SSBP2: variants seen among roughly 807,000 people sequenced by gnomAD.
SSBP2 encodes the protein single-stranded DNA-binding protein 2.
Under a neutral mutation model 61.8 loss-of-function variants are expected in SSBP2, and 17 were observed. The observed-to-expected ratio is 0.28, with a 90% CI of 0.19 to 0.41. SSBP2 has a LOEUF of 0.41. Among genes scored for constraint, SSBP2 ranks in the 10% least tolerant of loss-of-function variants. SSBP2 has a pLI of 1.00. For missense variants in SSBP2, 310 were observed against 458.7 expected (o/e 0.68, Z 2.96); for synonymous variants, 139 against 141.3 (o/e 0.98, Z 0.12).
chr5:81,668,292 GT>G (rs1354039241), intron 1 of SSBP2, among the ~76,000 whole-genome samples: 1 of 121,292 alleles, frequency 8.2e-6, no homozygotes, highest in Non-Finnish European at 1.8e-5. Context: ...AGGAAAAAAA[GT>G]TTTTTCAAAT....
At chr5:81,619,680 T>TG (rs1746369040) in intron 3 of SSBP2, among the ~76,000 whole-genome samples, 1 of 71,700 alleles carries the variant, frequency 1.4e-5, no homozygotes, top group Non-Finnish European at 2.5e-5. Flanking sequence ...ATATCCTTGA[T>TG]GAACATTGAT....
At chr5:81,595,149 T>C (rs748113896) in intron 4 of SSBP2, among the ~76,000 whole-genome samples, 4 of 152,060 alleles carry the variant, frequency 2.6e-5, no homozygotes, top group African/African-American at 4.8e-5. Flanking sequence ...TAAAAAATGA[T>C]AAAGGGGATA....
At position 81,560,626 on chromosome 5, in the gene SSBP2, AC is replaced by A. The variant is rs1772973315; in HGVS notation, c.283-46910del. Among the ~76,000 whole-genome samples, 5 of 152,332 alleles carry A rather than the reference AC, an allele frequency of 3.3e-5. No homozygotes were observed. In the Middle Eastern group the frequency reaches 0.014, roughly 415 times the overall value. ...CCATCCAGAGAGAAGCAGCTCTGGA[AC>A]GCCTAAGAATATTCTTAGATTTTGT... On this transcript the variant is annotated intron_variant, in intron 4 of 16. Transcript: ENST00000320672.
intron 4 of SSBP2, among the ~76,000 whole-genome samples, chr5:81,521,512 C>T (rs889682740): frequency 8.4e-6 from 1 of 119,458 alleles, no homozygotes; most frequent in Non-Finnish European, 1.7e-5. Context: ...TCTTTGATGA[C>T]ACTCATCAAA....
At chr5:81,705,493 T>C (rs1357648625) in intron 1 of SSBP2, among the ~76,000 whole-genome samples, 1 of 152,168 alleles carries the variant, frequency 6.6e-6, no homozygotes, top group Non-Finnish European at 1.5e-5. Context: ...GAAAAAATAA[T>C]TAACTGATCC....
At position 81,617,959 on chromosome 5, in the gene SSBP2, A is replaced by AC. The variant is rs1746219093; in HGVS notation, c.198-2403dup. Among the ~76,000 whole-genome samples the AC allele has an allele frequency of 1.5e-5, 2 of 137,282 alleles. 1 individual carries two copies. Among genetic ancestry groups the AC allele is most frequent in the African/African-American group, 5.4e-5 (2 of 36,712 alleles). 90.1% of individuals were successfully genotyped at this position (137,282 alleles called of 152,430 possible). ...AAAGAGCTCCTGAAGCAAGCGCTAA[A>AC]CATGGAAAGGAACAACCGGTACCAG... is the stretch of plus-strand genomic sequence containing the variant. On this transcript the variant is annotated intron_variant, in intron 3 of 16. Coordinates refer to ENST00000320672, the MANE Select transcript of SSBP2 (RefSeq NM_012446.5).
intron 1 of SSBP2, among the ~76,000 whole-genome samples, chr5:81,742,315 C>A (rs1211303995): frequency 1.3e-5 from 2 of 151,994 alleles, no homozygotes; most frequent in Non-Finnish European, 1.5e-5. Context: ...ATACTAAATG[C>A]CCATATTATA....
chr5:81,519,164 A>G (rs1561494207), intron 4 of SSBP2, among the ~76,000 whole-genome samples: 1 of 152,182 alleles, frequency 6.6e-6, no homozygotes, highest in African/African-American at 2.4e-5. Flanking sequence ...AGAAGTTTCT[A>G]TAATATGGTA....
At position 81,415,922 on chromosome 5, in the gene SSBP2, A is replaced by AAAAAAAAAAAAAAAAAAAG; in HGVS notation, c.*4581_*4582insCTTTTTTTTTTTTTTTTTT. The AAAAAAAAAAAAAAAAAAAG allele has an allele frequency of 1.4e-5, 1 of 73,752 alleles. No homozygotes were observed. The highest frequency in any genetic ancestry group is 2.3e-5 in the Non-Finnish European group (1 of 43,584). 4.6% of individuals were successfully genotyped at this position (73,752 alleles called of 1,614,324 possible). The stretch of plus-strand genomic sequence containing the variant: ...GCAAGATTCTGACTCAAAAAAAAAA[A>AAAAAAAAAAAAAAAAAAAG]AAAAAAAGAGGAAAACCTGATCAAG... On this transcript the variant is annotated 3_prime_UTR_variant, in exon 17 of 17. Transcript: ENST00000320672.
intron 1 of SSBP2, among the ~76,000 whole-genome samples, chr5:81,739,458 T>G (rs1180806094): frequency 1.3e-5 from 2 of 152,154 alleles, no homozygotes; most frequent in East Asian, 3.8e-4. Flanking sequence ...TAGGCTAGAT[T>G]CAATGCTTTT....
Position 81,558,978 on chromosome 5 carries a change from G to A in SSBP2, c.283-45261C>T, listed in dbSNP as rs561414217. Among the ~76,000 whole-genome samples the A allele has an allele frequency of 1.2e-4, 18 of 152,292 alleles. No individual in the cohort carries two copies. In the South Asian group the frequency reaches 2.7e-3, roughly 23 times the overall value. On this transcript the variant is annotated intron_variant, in intron 4 of 16. Transcript: ENST00000320672. ...TGTTTTTAAAAATTATTTATAGGCCGGGCGCAGTGGCTCACGCCTGTAATC... is the reference window on the plus strand; with the variant it reads ...TGTTTTTAAAAATTATTTATAGGCCAGGCGCAGTGGCTCACGCCTGTAATC...
At chr5:81,709,221 G>T (rs997467547) in intron 1 of SSBP2, among the ~76,000 whole-genome samples, 2 of 151,998 alleles carry the variant, frequency 1.3e-5, no homozygotes, top group Non-Finnish European at 2.9e-5. Context: ...GGCAGCAGAT[G>T]TAATGGCTTT....
Position 81,650,256 on chromosome 5 carries a change from A to G in SSBP2, c.135+11T>C, listed in dbSNP as rs1285322123. ...GATCAAAATGCAATACAGAAAATAT[A>G]TAAAACATACCTCTGATAAAAATGT... is the stretch of plus-strand genomic sequence containing the variant. On this transcript the variant is annotated intron_variant, in intron 2 of 16. Coordinates refer to ENST00000320672, the MANE Select transcript of SSBP2 (RefSeq NM_012446.5). 2 of 1,544,494 alleles carry G rather than the reference A, an allele frequency of 1.3e-6. No individual in the cohort carries two copies. The highest frequency in any genetic ancestry group is 1.8e-6 in the Non-Finnish European group (2 of 1,137,054).
intron 5 of SSBP2, among the ~76,000 whole-genome samples, chr5:81,505,855 G>A (rs2154076187): frequency 1.3e-5 from 2 of 152,176 alleles, no homozygotes; most frequent in Middle Eastern, 6.8e-3. Flanking sequence ...TACGCAGTTT[G>A]GCTAACAAAT....
At position 81,617,698 on chromosome 5, in the gene SSBP2, G is replaced by A. The variant is rs867001173; in HGVS notation, c.198-2141C>T. ...AAGGAAAAAATGTTAAGGGCAGCCA[G>A]AGAGAACGGTCGGGTTACCCTCAAA... On this transcript the variant is annotated intron_variant, in intron 3 of 16. Coordinates refer to ENST00000320672, the MANE Select transcript of SSBP2 (RefSeq NM_012446.5). 2.9e-3 allele frequency among the ~76,000 whole-genome samples: 273 copies of A among 93,222 alleles called. 2 individuals carry two copies. Among genetic ancestry groups the A allele is most frequent in the African/African-American group, 9.4e-3 (212 of 22,590 alleles). The allele number at this position is 93,222 out of a possible 152,430, so 61.2% of individuals were successfully genotyped here. A position where few individuals can be genotyped will look rare whatever the true frequency, so the allele number is the denominator to read the frequency against.
chr5:81,587,187 G>T (rs1252658632), intron 4 of SSBP2, among the ~76,000 whole-genome samples: 1 of 152,092 alleles, frequency 6.6e-6, no homozygotes, highest in Non-Finnish European at 1.5e-5. Context: ...CTGAATCAGG[G>T]TGATCTTGGA....
chr5:81,532,168 A>T (rs1172210800), intron 4 of SSBP2, among the ~76,000 whole-genome samples: 1 of 152,132 alleles, frequency 6.6e-6, no homozygotes, highest in Non-Finnish European at 1.5e-5. Flanking sequence ...AGTTTATTTG[A>T]TGAAAAAAAT....
Position 81,442,716 on chromosome 5 carries a change from G to A in SSBP2, c.786C>T (p.Thr262=). 1 of 1,554,640 alleles carries A rather than the reference G, an allele frequency of 6.4e-7. No individual in the cohort carries two copies. Reference sequence around the variant, plus strand: ...AAGTATACATGTTATCACCAGAGTTGGTTGAATCTGAAACAAAATATTACT... The same window carrying A: ...AAGTATACATGTTATCACCAGAGTTAGTTGAATCTGAAACAAAATATTACT... The change falls in exon 13 of 17, where the codon ACC becomes ACT. Residue 262 remains threonine (T), a synonymous_variant. Coordinates refer to ENST00000320672, the MANE Select transcript of SSBP2 (RefSeq NM_012446.5).
At chr5:81,434,349 G>C (rs1256920493) in intron 15 of SSBP2, among the ~76,000 whole-genome samples, 1 of 152,028 alleles carries the variant, frequency 6.6e-6, no homozygotes, top group Non-Finnish European at 1.5e-5. Context: ...AGAGACCTAA[G>C]AGGGACTTTG....
Sources: gnomAD v4.1 joint callset for allele counts (sites outside exome capture counted in the v4.1 genomes callset) on GRCh38, gnomAD v4.1.1 for gene constraint, MANE v1.5 for transcripts, NCBI Gene and HGNC (gene_info 2026-07-23, HGNC 2026-07-21) for gene names.